MYO18B: variants seen among roughly 807,000 people sequenced by gnomAD.
MYO18B encodes myosin XVIIIB.
In MYO18B, 204 loss-of-function variants were observed where a neutral mutation model predicts 273.0. The ratio of observed to expected loss-of-function variants is 0.75; its 90% CI spans 0.67 to 0.84. The LOEUF is 0.84. Ranked by LOEUF, MYO18B falls within the 40% of genes least tolerant of loss-of-function variation. The pLI is 0.00. For missense variants in MYO18B, 3,212 were observed against 3,287.6 expected (o/e 0.98, Z 0.56); for synonymous variants, 1,330 against 1,305.7 (o/e 1.02, Z -0.40).
intron 24 of MYO18B, 43 bp from the exon 25 acceptor site, chr22:25,877,916 C>G: frequency 6.6e-7 from 1 of 1,516,240 alleles, no homozygotes; most frequent in Non-Finnish European, 9.0e-7. Flanking sequence ...GGAACTTAAT[C>G]TCTGGCCTGG....
intron 42 of MYO18B, among the ~76,000 whole-genome samples, chr22:26,024,312 C>T (rs531282519): frequency 3.4e-4 from 52 of 152,250 alleles, no homozygotes; most frequent in Non-Finnish European, 4.7e-4. Flanking sequence ...CTTTCACTGT[C>T]CCAGCTGCCC....
chr22:25,835,474 T>C, intron 17 of MYO18B, 31 bp downstream of exon 17: 1 of 1,612,430 alleles, frequency 6.2e-7, no homozygotes, highest in Non-Finnish European at 8.5e-7. Context: ...GGATGGGGCC[T>C]GAGTCCAGCC....
At position 25,908,331 on chromosome 22, in the gene MYO18B, C is replaced by T. The variant is rs551380540; in HGVS notation, c.5158C>T (p.Arg1720Trp). Residue 1720 changes from arginine to tryptophan, a missense_variant, in exon 32 of 44, where the codon CGG becomes TGG. By Grantham distance (101) the Arg-to-Trp change is moderately radical. Coordinates refer to ENST00000335473, the MANE Select transcript of MYO18B (RefSeq NM_032608.7). The stretch of plus-strand genomic sequence containing the variant: ...CTTGCTGCCCCCGCAGCTCCGCCAG[C>T]GGTTTGAGCTGGAGATCGAGCGGAT... ...TIKQLEQLRQ[R>W]FELEIERMKQ... 101 of 1,584,142 alleles carry T rather than the reference C, an allele frequency of 6.4e-5. 1 individual carries two copies. In the South Asian group the frequency reaches 7.3e-4, roughly 11 times the overall value.
intron 40 of MYO18B, among the ~76,000 whole-genome samples, chr22:26,001,877 C>T (rs1205494946): frequency 1.3e-5 from 2 of 152,220 alleles, no homozygotes; most frequent in Non-Finnish European, 2.9e-5. Context: ...CAAGAACTAA[C>T]ACCAGTGTGT....
chr22:25,768,915 T>C lies in MYO18B; in HGVS notation c.999T>C (p.Asn333=). The part of the protein sequence containing the change: ...GRRSKWDGPQ[N]KKDKEGVLLS... ...GGAGTAAGTGGGACGGTCCCCAGAA[T>C]AAGAAGGACAAAGAAGGGGTGCTCT... The change falls in exon 4 of 44, where the codon AAT becomes AAC. Residue 333 remains asparagine, a synonymous_variant. Transcript: ENST00000335473. 4.3e-6 allele frequency: 7 copies of C among 1,612,466 alleles called. No homozygotes were observed. The highest frequency in any genetic ancestry group is 5.9e-6 in the Non-Finnish European group (7 of 1,179,312).
intron 12 of MYO18B, among the ~76,000 whole-genome samples, chr22:25,814,076 C>T (rs867374955): frequency 5.3e-5 from 8 of 152,148 alleles, no homozygotes; most frequent in Middle Eastern, 3.4e-3. Flanking sequence ...TCAGAAGTGG[C>T]GATGCTGGAA....
rs1355628527 is a variant in MYO18B, at chr22:25,896,949, C to G, written c.4669-1358C>G. ...TGGCACACCACTGATTCCAGCCACACTCAGTTTTTTTTCTTCTCCTTCCAA... is the reference window on the plus strand; with the variant it reads ...TGGCACACCACTGATTCCAGCCACAGTCAGTTTTTTTTCTTCTCCTTCCAA... On this transcript the variant is annotated intron_variant, in intron 28 of 43. Coordinates refer to ENST00000335473, the MANE Select transcript of MYO18B (RefSeq NM_032608.7). 3 of 152,264 alleles carry G rather than the reference C, an allele frequency of 2.0e-5. 1 individual carries two copies. The highest frequency in any genetic ancestry group is 1.3e-4 in the Admixed American group (2 of 15,282). The allele number at this position is 152,264 out of a possible 1,614,324, so 9.4% of individuals were successfully genotyped here. A position where few individuals can be genotyped will look rare whatever the true frequency, so the allele number is the denominator to read the frequency against.
At chr22:25,932,350 T>C (rs1164909784) in intron 34 of MYO18B, among the ~76,000 whole-genome samples, 2 of 151,968 alleles carry the variant, frequency 1.3e-5, no homozygotes, top group Non-Finnish European at 2.9e-5. Context: ...TCCTTCCTTC[T>C]TTCTTCCCTT....
chr22:25,785,529 G>A, intron 11 of MYO18B, 38 bp downstream of exon 11: 1 of 1,596,792 alleles, frequency 6.3e-7, no homozygotes, highest in Non-Finnish European at 8.5e-7. Context: ...ATGTGAGTCT[G>A]TGTCTGGGGC....
At chr22:25,797,122 G>C (rs892842970) in intron 11 of MYO18B, among the ~76,000 whole-genome samples, 8 of 152,214 alleles carry the variant, frequency 5.3e-5, no homozygotes, top group African/African-American at 1.9e-4. Flanking sequence ...AGCTACTCAG[G>C]AGGCTGAGGT....
rs186274999 is a variant in MYO18B, at chr22:25,940,118, T to A, written c.5518-6019T>A. Among the ~76,000 whole-genome samples, 900 of 152,300 alleles carry A rather than the reference T, an allele frequency of 5.9e-3. 5 individuals carry two copies. Among genetic ancestry groups the A allele is most frequent in the Non-Finnish European group, 9.8e-3 (664 of 68,030 alleles). The stretch of plus-strand genomic sequence containing the variant: ...TGAACGCAAATCATTTTGTCCCCCA[T>A]TTTTTGGATGATGATATGGTTTGGC... On this transcript the variant is annotated intron_variant, in intron 34 of 43. Transcript: ENST00000335473.
At chr22:25,826,304 AAAG>A in intron 13 of MYO18B, 102 bp from the exon 14 acceptor site, 1 of 792,058 alleles carries the variant, frequency 1.3e-6, no homozygotes, top group Non-Finnish European at 2.0e-6. Flanking sequence ...TGTGGCAAGA[AAAG>A]AAGGATTTTC....
chr22:25,995,298 T>C (rs1374587169), intron 40 of MYO18B, among the ~76,000 whole-genome samples: 1 of 152,118 alleles, frequency 6.6e-6, no homozygotes, highest in Non-Finnish European at 1.5e-5. Context: ...TACAAAAATG[T>C]AGTTAGAATG....
At chr22:25,887,749 A>G (rs4820661) in intron 25 of MYO18B, among the ~76,000 whole-genome samples, 59,603 of 151,876 alleles carry the variant, frequency 0.39, 12,376 homozygotes, top group African/African-American at 0.53. Flanking sequence ...GGTCAGGGGC[A>G]CCTTGTCTCT....
intron 21 of MYO18B, among the ~76,000 whole-genome samples, chr22:25,861,929 C>T (rs1461290030): frequency 6.6e-6 from 1 of 152,154 alleles, no homozygotes; most frequent in African/African-American, 2.4e-5. Flanking sequence ...AATACACAGT[C>T]CACCCTCCAT....
chr22:25,815,897 C>G (rs2088979708), intron 12 of MYO18B, among the ~76,000 whole-genome samples: 1 of 152,222 alleles, frequency 6.6e-6, no homozygotes, highest in South Asian at 2.1e-4. Context: ...GGTTTGTGTG[C>G]TGTGTTCTCA....
In MYO18B at chr22:26,025,843, T is replaced by C. The variant is rs539375869; in HGVS notation, c.6471-602T>C. Among the ~76,000 whole-genome samples, 126 of 152,308 alleles carry C rather than the reference T, an allele frequency of 8.3e-4. 1 individual carries two copies. Among genetic ancestry groups the C allele is most frequent in the African/African-American group, 2.9e-3 (121 of 41,558 alleles). Reference sequence around the variant, plus strand: ...TGCATAAAAACCACGTCTGGTGTAGTCCCAGAATAGAAACCGTCTGTCCTC... The same window carrying C: ...TGCATAAAAACCACGTCTGGTGTAGCCCCAGAATAGAAACCGTCTGTCCTC... On this transcript the variant is annotated intron_variant, in intron 42 of 43. Coordinates refer to ENST00000335473, the MANE Select transcript of MYO18B (RefSeq NM_032608.7).
chr22:26,027,488 T>A lies in MYO18B; in HGVS notation c.7514T>A (p.Leu2505Gln), dbSNP rs1158220093. ...GAGCCCAAGGAGGATCCCGCTCACC[T>A]GTCTGACTCGTCCTCATCCTCCGGC... ...SPEPKEDPAH[L>Q]SDSSSSSGSI... The change falls in exon 43 of 44, where the codon CTG becomes CAG. Residue 2505 changes from leucine (L) to glutamine (Q), a missense_variant. Leu to Gln is a moderately radical substitution (Grantham distance 113). Transcript: ENST00000335473. The surrounding 1 kb of genome is among the most constrained non-coding windows in gnomAD (Gnocchi z 4.1). The A allele has an allele frequency of 6.2e-7, 1 of 1,613,868 alleles. No homozygotes were observed. Among genetic ancestry groups the A allele is most frequent in the Non-Finnish European group, 8.5e-7 (1 of 1,179,878 alleles).
intron 34 of MYO18B, among the ~76,000 whole-genome samples, chr22:25,933,786 CA>C (rs2092542145): frequency 6.6e-6 from 1 of 152,120 alleles, no homozygotes; most frequent in African/African-American, 2.4e-5. Flanking sequence ...CCAGTATGAA[CA>C]TTTTTTTGCA....
Sources: gnomAD v4.1 joint callset for allele counts (sites outside exome capture counted in the v4.1 genomes callset) on GRCh38, gnomAD v4.1.1 for gene constraint, Gnocchi (gnomAD v3.1) non-coding constraint, MANE v1.5 for transcripts, NCBI Gene and HGNC (gene_info 2026-07-23, HGNC 2026-07-21) for gene names.